Variants in ZSCAN18 observed in about 807,000 individuals in gnomAD.
ZSCAN18 encodes zinc finger and SCAN domain-containing protein 18.
In ZSCAN18, 16 loss-of-function variants were observed where a neutral mutation model predicts 31.1. That is an observed-to-expected ratio of 0.51 (90% CI 0.35 to 0.78). The LOEUF (loss-of-function observed/expected upper bound fraction) is 0.78, where lower values mean the gene tolerates loss of function less well. Among genes scored for constraint, ZSCAN18 ranks in the 30% least tolerant of loss-of-function variants. The pLI is 0.01. For synonymous variants in ZSCAN18, 375 were observed against 320.7 expected, an observed-to-expected ratio of 1.17 and a Z score of -1.81; for missense variants, 731 against 697.4, an observed-to-expected ratio of 1.05 and a Z score of -0.54.
At chr19:58,101,516 CTTCTTTTTTTTT>C (rs1333066876), upstream of ZSCAN18, among the ~76,000 whole-genome samples, 2 of 129,890 alleles carry the variant, frequency 1.5e-5, no homozygotes, top group Non-Finnish European at 3.3e-5. Flanking sequence ...ACTTTATCTT[CTTCTTTTTTTTT>C]TTTTTTTTTG....
intron 1 of ZSCAN18, among the ~76,000 whole-genome samples, chr19:58,105,310 G>A (rs2074626517): frequency 1.3e-5 from 2 of 152,186 alleles, no homozygotes; most frequent in Non-Finnish European, 2.9e-5. Flanking sequence ...AACACAACGT[G>A]TATTCTGCAG....
At chr19:58,104,730 TAAAATAAAATAAAATAA>T (rs1258572321) in intron 1 of ZSCAN18, among the ~76,000 whole-genome samples, 41 of 82,964 alleles carry the variant, frequency 4.9e-4, no homozygotes, top group African/African-American at 2.4e-3. Flanking sequence ...TAAAATAAAA[TAAAATAAAATAAAATAA>T]AAAAGTCTGA....
chr19:58,092,653 T>A, intron 1 of ZSCAN18: 5 of 980,932 alleles, frequency 5.1e-6, no homozygotes, highest in Non-Finnish European at 6.1e-6. Flanking sequence ...CTACCAGAGT[T>A]TAAAGGGAAG....
At chr19:58,085,688 C>A in intron 6 of ZSCAN18, 1 of 447,840 alleles carries the variant, frequency 2.2e-6, no homozygotes, top group Middle Eastern at 5.8e-4. Context: ...TGGCCACTAG[C>A]TTGGCCACAA....
rs761065258 is a variant in ZSCAN18 at position 58,089,847 on chromosome 19, T to G, written c.403+18A>C. The stretch of plus-strand genomic sequence containing the variant: ...CCCCATCTCCTCTGAGCCATGCTTC[T>G]CCTCTGTGACAGCCCACCTGGCTCT... On this transcript the variant is annotated intron_variant, in intron 2 of 6. Transcript: ENST00000601144. The G allele has an allele frequency of 6.3e-7, 1 of 1,594,158 alleles. No homozygotes were observed. Among genetic ancestry groups the G allele is most frequent in the East Asian group, 2.2e-5 (1 of 44,676 alleles).
intron 1 of ZSCAN18, chr19:58,108,943 G>A: frequency 2.8e-6 from 3 of 1,085,184 alleles, no homozygotes; most frequent in South Asian, 9.0e-5. Context: ...TTGACCGTTA[G>A]AGCCTTTCTG....
chr19:58,087,290 TCACCCACCTGCTCGTGCC>T lies in ZSCAN18; in HGVS notation c.642+8_642+25del, dbSNP rs558827122. The T allele has an allele frequency of 1.3e-6, 2 of 1,581,908 alleles. No homozygotes were observed. Among genetic ancestry groups the T allele is most frequent in the East Asian group, 2.3e-5 (1 of 43,996 alleles). ...GCCTCTAAGCTGAGGCCAAGGCCCC[TCACCCACCTGCTCGTGCC>T]CACCCACCTGCTCGGTGTTGGCAGG... On this transcript the variant is annotated splice_region_variant and intron_variant, in intron 4 of 6. Coordinates refer to ENST00000601144, the MANE Select transcript of ZSCAN18 (RefSeq NM_001145543.2).
intron 1 of ZSCAN18, among the ~76,000 whole-genome samples, chr19:58,116,179 A>G (rs886234589): frequency 4.0e-5 from 6 of 148,578 alleles, no homozygotes; most frequent in Non-Finnish European, 8.9e-5. Context: ...GGCACTGGAT[A>G]TCACAAAGGA....
Position 58,096,578 on chromosome 19 carries a change from A to G in ZSCAN18, c.-120+1596T>C, listed in dbSNP as rs534731160. Among the ~76,000 whole-genome samples, 214 of 152,310 alleles carry G rather than the reference A, an allele frequency of 1.4e-3. 2 individuals are homozygous for G. Among genetic ancestry groups the G allele is most frequent in the African/African-American group, 5.0e-3 (208 of 41,576 alleles). Reference sequence around the variant, plus strand: ...AGCAAATCCCCTTCATCCTGGGCTGAGCAGAGCTCAAGCCTGGTTTGGCCC... The same window carrying G: ...AGCAAATCCCCTTCATCCTGGGCTGGGCAGAGCTCAAGCCTGGTTTGGCCC... On this transcript the variant is annotated intron_variant, in intron 1 of 6. Coordinates refer to ENST00000601144, the MANE Select transcript of ZSCAN18 (RefSeq NM_001145543.2).
Position 58,110,710 on chromosome 19 carries a change from C to A in ZSCAN18, c.130+7557G>T, listed in dbSNP as rs538981679. On this transcript the variant is annotated intron_variant, in intron 1 of 1. Transcript: ENST00000595721. ...ATCCTACCAATTTACACTTCCTCCACCACTGTGGTCCAAGTTATAATCACC... is the reference window on the plus strand; with the variant it reads ...ATCCTACCAATTTACACTTCCTCCAACACTGTGGTCCAAGTTATAATCACC... Among the ~76,000 whole-genome samples, 3 of 152,346 alleles carry A rather than the reference C, an allele frequency of 2.0e-5. No individual in the cohort carries two copies. The South Asian group carries it at 6.2e-4, about 32-fold the overall frequency.
At chr19:58,108,309 T>A (rs929392962) in intron 1 of ZSCAN18, 2 of 985,330 alleles carry the variant, frequency 2.0e-6, no homozygotes, top group African/African-American at 3.5e-5. Flanking sequence ...GTTGGAGACA[T>A]CAGAAAAGGA....
chr19:58,085,328 G>T lies in ZSCAN18; in HGVS notation c.890C>A (p.Pro297His). The T allele has an allele frequency of 6.3e-7, 1 of 1,595,282 alleles. No individual in the cohort carries two copies. The highest frequency in any genetic ancestry group is 1.1e-5 in the South Asian group (1 of 90,720). ...AGGCAGCTCAGGCAGCACCCCCGCG[G>T]GGGCGGCCTCCTCGCAGGCGCACCC... ...SAGCACEEAA[P>H]AGVLPELPTE... Residue 297 changes from proline to histidine, a missense_variant, in exon 7 of 7, where the codon CCC becomes CAC. Physicochemically the swap from Pro to His is moderately conservative, Grantham distance 77. Around this residue, in one of 4 missense-constraint regions of ZSCAN18, gnomAD observed 597 missense variants for 499.5 expected, o/e 1.20. Transcript: ENST00000601144.
chr19:58,096,944 C>A (rs1194049886), intron 1 of ZSCAN18, among the ~76,000 whole-genome samples: 1 of 152,220 alleles, frequency 6.6e-6, no homozygotes, highest in African/African-American at 2.4e-5. Flanking sequence ...TCCTGCGCAA[C>A]TGGCCTAGGC....
chr19:58,093,801 T>A (rs546387130), intron 1 of ZSCAN18, among the ~76,000 whole-genome samples: 12 of 152,202 alleles, frequency 7.9e-5, no homozygotes, highest in African/African-American at 2.9e-4. Flanking sequence ...AGTCTCGCCC[T>A]GTCACCCACG....
At chr19:58,085,744 G>C (rs1050813734) in intron 6 of ZSCAN18, 1 of 342,410 alleles carries the variant, frequency 2.9e-6, no homozygotes, top group East Asian at 5.4e-5. Context: ...CCCTCCTGGA[G>C]GGAGGGGCCC....
chr19:58,108,471 G>A, intron 1 of ZSCAN18: 2 of 985,694 alleles, frequency 2.0e-6, no homozygotes, highest in Non-Finnish European at 2.4e-6. Context: ...GGTAAAGGTG[G>A]AGCCAGCACT....
rs1369877541 is a variant in ZSCAN18 at position 58,084,731 on chromosome 19, C to A, written c.1487G>T (p.Ser496Ile). 9.1e-6 allele frequency: 14 copies of A among 1,539,242 alleles called. No homozygotes were observed. Among genetic ancestry groups the A allele is most frequent in the Non-Finnish European group, 1.2e-5 (14 of 1,152,592 alleles). ...TGCGGGGGGAGCCTCGCCCTCCACG[C>A]TCTCTGGGGGACCGCCCGCCCTAGC... ...AGARAGGPPE[S>I]VEGEAPPAPP... is the part of the protein sequence containing the mutation. Residue 496 changes from serine (S) to isoleucine (I), a missense_variant, in exon 7 of 7, where the codon AGC (serine) becomes ATC (isoleucine). Ser to Ile is a moderately radical substitution (Grantham distance 142). This residue lies in a region of ZSCAN18 where 597 missense variants were observed against 499.5 expected (regional missense o/e 1.20). Coordinates refer to ENST00000601144, the MANE Select transcript of ZSCAN18 (RefSeq NM_001145543.2). This position sits in a 1 kb window ranked among gnomAD's most constrained non-coding sequence, Gnocchi z 4.5.
chr19:58,104,574 T>G (rs916095539), intron 1 of ZSCAN18, among the ~76,000 whole-genome samples: 1 of 151,728 alleles, frequency 6.6e-6, no homozygotes, highest in Non-Finnish European at 1.5e-5. Flanking sequence ...TGGTGGCAAG[T>G]GCCTGTAATC....
chr19:58,088,952 G>C, intron 2 of ZSCAN18, 115 bp from the exon 3 acceptor site: 1 of 966,792 alleles, frequency 1.0e-6, no homozygotes. Flanking sequence ...TACCCATCCT[G>C]CACCTCATCT....
Sources: gnomAD v4.1 joint callset for allele counts (sites outside exome capture counted in the v4.1 genomes callset) on GRCh38, gnomAD v4.1.1 for gene constraint, gnomAD v4.1.1 regional missense constraint, Gnocchi (gnomAD v3.1) non-coding constraint, MANE v1.5 for transcripts, NCBI Gene and HGNC (gene_info 2026-07-23, HGNC 2026-07-21) for gene names.